CIITA: variants seen among roughly 807,000 people sequenced by gnomAD.
The protein encoded by CIITA is MHC class II transactivator.
A neutral mutation model predicts 115.1 loss-of-function variants in CIITA; 72 were observed. The ratio of observed to expected loss-of-function variants is 0.63; its 90% CI spans 0.52 to 0.76. CIITA has a LOEUF of 0.76. Ranked by LOEUF, CIITA falls within the 30% of genes least tolerant of loss-of-function variation. CIITA has a pLI of 0.00. For synonymous variants in CIITA, 763 were observed against 635.6 expected, an observed-to-expected ratio of 1.20 and a Z score of -3.02; for missense variants, 1,617 against 1,463.8, an observed-to-expected ratio of 1.10 and a Z score of -1.71.
chr16:10,892,485 C>T (rs2037697995), intron 1 of CIITA, among the ~76,000 whole-genome samples: 1 of 152,202 alleles, frequency 6.6e-6, no homozygotes, highest in Non-Finnish European at 1.5e-5. Flanking sequence ...TCTCCTCTTA[C>T]CTCCTCCAGG....
chr16:10,898,184 T>C (rs2038332418), intron 3 of CIITA, among the ~76,000 whole-genome samples: 1 of 152,174 alleles, frequency 6.6e-6, no homozygotes, highest in African/African-American at 2.4e-5. Flanking sequence ...CCCCTTTATA[T>C]AGTTACCACT....
chr16:10,898,733 G>T lies in CIITA; in HGVS notation c.358+1G>T. 1 of 1,611,720 alleles carries T rather than the reference G, an allele frequency of 6.2e-7. No homozygotes were observed. The highest frequency in any genetic ancestry group is 1.7e-4 in the Middle Eastern group (1 of 6,060). ...GAGGGCCTGAGCAAGGACATTTTCA[G>T]TAAGTTTGTGGTGGGTGGGGAGGTC... On this transcript the variant is annotated splice_donor_variant, in intron 4 of 19. Coordinates refer to ENST00000324288, the MANE Select transcript of CIITA (RefSeq NM_000246.4). LOFTEE classifies it high-confidence loss of function.
In CIITA at chr16:10,922,393, G is replaced by T; in HGVS notation, c.3234-14G>T. On this transcript the variant is annotated splice_polypyrimidine_tract_variant and intron_variant, in intron 17 of 19. Coordinates refer to ENST00000324288, the MANE Select transcript of CIITA (RefSeq NM_000246.4). The stretch of plus-strand genomic sequence containing the variant: ...TCCCAAGGGCCAGGCCCCAAGGTGA[G>T]TTTCTCTTGCCAGCGTCCAGTACAA... 1 of 1,614,204 alleles carries T rather than the reference G, an allele frequency of 6.2e-7. No homozygotes were observed. The highest frequency in any genetic ancestry group is 1.1e-5 in the South Asian group (1 of 91,084).
chr16:10,897,376 G>T (rs945325083), intron 3 of CIITA, among the ~76,000 whole-genome samples: 1 of 152,122 alleles, frequency 6.6e-6, no homozygotes, highest in African/African-American at 2.4e-5. Context: ...TTATTAACCT[G>T]TTTATCCACT....
intron 1 of CIITA, among the ~76,000 whole-genome samples, chr16:10,867,817 A>G (rs374050528): frequency 2.5e-4 from 38 of 152,222 alleles, no homozygotes; most frequent in African/African-American, 7.9e-4. Context: ...GTGTAGTCGC[A>G]TGATCACAGC....
chr16:10,881,482 C>A (rs549861380), intron 1 of CIITA, among the ~76,000 whole-genome samples: 1 of 152,180 alleles, frequency 6.6e-6, no homozygotes, highest in South Asian at 2.1e-4. Context: ...AGGACAAAGT[C>A]TCTGATTTTC....
At position 10,924,354 on chromosome 16, in the gene CIITA, C is replaced by G. The variant is rs1286979304; in HGVS notation, c.*499C>G. On this transcript the variant is annotated 3_prime_UTR_variant, in exon 20 of 20. Transcript: ENST00000324288. ...GTTCAAGCGATTCTTCTGCTTCAGC[C>G]TCCCGAGTAGCTGGGACTACAGGCA... 1 of 152,470 alleles carries G rather than the reference C, an allele frequency of 6.6e-6. No homozygotes were observed. The highest frequency in any genetic ancestry group is 1.5e-5 in the Non-Finnish European group (1 of 68,256). 9.4% of individuals were successfully genotyped at this position (152,470 alleles called of 1,614,324 possible).
In CIITA at chr16:10,877,343, G is replaced by A. The variant is rs752879788; in HGVS notation, c.13G>A (p.Ala5Thr). Reference protein sequence around the residue: MRCLAPRPAGSYLSE... With the variant: MRCLTPRPAGSYLSE... ...GGATTCCTACACAATGCGTTGCCTG[G>A]CTCCACGCCCTGCTGGGTCCTACCT... is the stretch of plus-strand genomic sequence containing the variant. The change falls in exon 1 of 20, where the codon GCT (alanine) becomes ACT (threonine). Residue 5 changes from alanine (A) to threonine (T), a missense_variant. Coordinates refer to ENST00000324288, the MANE Select transcript of CIITA (RefSeq NM_000246.4). 1.9e-6 allele frequency: 3 copies of A among 1,613,158 alleles called. No individual in the cohort carries two copies. Among genetic ancestry groups the A allele is most frequent in the Admixed American group, 3.3e-5 (2 of 59,906 alleles).
At chr16:10,886,618 C>T (rs1275063268) in intron 1 of CIITA, among the ~76,000 whole-genome samples, 2 of 152,244 alleles carry the variant, frequency 1.3e-5, no homozygotes, top group African/African-American at 4.8e-5. Flanking sequence ...CAACACTTGG[C>T]ATTTCCCAGA....
In CIITA at chr16:10,895,657, T is replaced by C. The variant is rs753690964; in HGVS notation, c.200-12T>C. On this transcript the variant is annotated splice_polypyrimidine_tract_variant and intron_variant, in intron 2 of 19. Transcript: ENST00000324288. ...AAATTTCCTTCTTCATCCAAGGGAC[T>C]TTTCCTCCCAGAACCCGACACAGAC... is the stretch of plus-strand genomic sequence containing the variant. 1 of 1,614,026 alleles carries C rather than the reference T, an allele frequency of 6.2e-7. No individual in the cohort carries two copies. The highest frequency in any genetic ancestry group is 1.1e-5 in the South Asian group (1 of 91,068).
chr16:10,940,712 A>G (rs1283430917), downstream of CIITA: 3 of 152,220 alleles, frequency 2.0e-5, no homozygotes, highest in African/African-American at 4.8e-5. This position sits in a 1 kb window ranked among gnomAD's most constrained non-coding sequence, Gnocchi z 4.2. Context: ...TCCTTCCTGG[A>G]CCTTCATTTC....
chr16:10,928,428 A>C lies in CIITA; in HGVS notation c.*4573A>C, dbSNP rs539209722. ...CTCAGCCTCCCGAGTAGCTGGGACT[A>C]TAAGTGTGCGCCACTATGCCTGGCT... is the stretch of plus-strand genomic sequence containing the variant. On this transcript the variant is annotated 3_prime_UTR_variant, in exon 20 of 20. Transcript: ENST00000324288. The C allele has an allele frequency of 6.6e-6, 1 of 152,302 alleles. No individual in the cohort carries two copies. Among genetic ancestry groups the C allele is most frequent in the Non-Finnish European group, 1.5e-5 (1 of 68,126 alleles). 9.4% of individuals were successfully genotyped at this position (152,302 alleles called of 1,614,324 possible).
intron 15 of CIITA, among the ~76,000 whole-genome samples, chr16:10,917,703 C>T (rs1018476124): frequency 1.3e-5 from 2 of 152,120 alleles, no homozygotes; most frequent in African/African-American, 4.8e-5. Context: ...TGGTCTTGAA[C>T]TCCTGACCTC....
Position 10,924,854 on chromosome 16 carries a change from T to C in CIITA, c.*999T>C, listed in dbSNP as rs2040466655. 6.6e-6 allele frequency: 1 copy of C among 152,242 alleles called. No homozygotes were observed. Among genetic ancestry groups the C allele is most frequent in the Admixed American group, 6.5e-5 (1 of 15,288 alleles). 9.4% of individuals were successfully genotyped at this position (152,242 alleles called of 1,614,324 possible). On this transcript the variant is annotated 3_prime_UTR_variant, in exon 20 of 20. Transcript: ENST00000324288. ...TTTTCACTACATTATAAATGTCTCT[T>C]TAATGTCACAGGCAGGTCCAGGGTT...
Position 10,901,982 on chromosome 16 carries a change from A to G in CIITA, c.482-56A>G. ...TCCATGCCACTCCAGGGCCCTCCCC[A>G]TCCCAGGAAGGCCCCTCCAAGCACC... On this transcript the variant is annotated intron_variant, in intron 6 of 19. Transcript: ENST00000324288. This position sits in a 1 kb window ranked among gnomAD's most constrained non-coding sequence, Gnocchi z 6.8. The G allele has an allele frequency of 1.2e-6, 2 of 1,607,074 alleles. No homozygotes were observed. Among genetic ancestry groups the G allele is most frequent in the Non-Finnish European group, 1.7e-6 (2 of 1,176,064 alleles).
intron 5 of CIITA, among the ~76,000 whole-genome samples, chr16:10,899,740 A>G (rs1361084120): frequency 3.9e-5 from 6 of 152,168 alleles, no homozygotes; most frequent in Non-Finnish European, 5.9e-5. Context: ...TCAGTTCTTA[A>G]ACAGGTGAAT....
rs577256085 is a variant in CIITA, at chr16:10,923,733, T to C, written c.*23-145T>C. On this transcript the variant is annotated intron_variant, in intron 19 of 19. Coordinates refer to ENST00000324288, the MANE Select transcript of CIITA (RefSeq NM_000246.4). The surrounding 1 kb of genome is among the most constrained non-coding windows in gnomAD (Gnocchi z 5.2). The stretch of plus-strand genomic sequence containing the variant: ...TATGAAGATCACTGTCCCCCAGCCC[T>C]GTGCTCCCCGCACTGTGCTGCACGT... 2.6e-4 allele frequency: 71 copies of C among 272,988 alleles called. No homozygotes were observed. Among genetic ancestry groups the C allele is most frequent in the African/African-American group, 1.5e-3 (70 of 45,246 alleles). The allele number at this position is 272,988 out of a possible 1,614,324, so 16.9% of individuals were successfully genotyped here. A position where few individuals can be genotyped will look rare whatever the true frequency, so the allele number is the denominator to read the frequency against.
rs1288759288 is a variant in CIITA, at chr16:10,906,695, G to A, written c.1203G>A (p.Leu401=). The change falls in exon 11 of 20, where the codon CTG becomes CTA. Residue 401 remains leucine (L), a synonymous_variant. Coordinates refer to ENST00000324288, the MANE Select transcript of CIITA (RefSeq NM_000246.4). ...CCCAAGGAGGCCTGGCTGAGGTGCT[G>A]TTGGCTGCCAAGGAGCACCGGCGGC... ...QLAQGGLAEV[L]LAAKEHRRPR... 3.1e-6 allele frequency: 5 copies of A among 1,612,890 alleles called. No homozygotes were observed. The highest frequency in any genetic ancestry group is 1.1e-5 in the South Asian group (1 of 91,072).
rs748867171 is a variant in CIITA, at chr16:10,906,641, C to T, written c.1149C>T (p.Ala383=). 1.6e-5 allele frequency: 26 copies of T among 1,613,778 alleles called. No individual in the cohort carries two copies. In the Admixed American group the frequency reaches 2.7e-4, roughly 17 times the overall value. ...GCAAGAGCCTGGAGCGGGAACTGGC[C>T]ACCCCGGACTGGGCAGAACGGCAGC... is the stretch of plus-strand genomic sequence containing the variant. ...SSSKSLEREL[A]TPDWAERQLA... Residue 383 remains alanine (A), a synonymous_variant, in exon 11 of 20, where the codon GCC becomes GCT. Coordinates refer to ENST00000324288, the MANE Select transcript of CIITA (RefSeq NM_000246.4).
Sources: gnomAD v4.1 joint callset for allele counts (sites outside exome capture counted in the v4.1 genomes callset) on GRCh38, gnomAD v4.1.1 for gene constraint, Gnocchi (gnomAD v3.1) non-coding constraint, MANE v1.5 for transcripts, NCBI Gene and HGNC (gene_info 2026-07-23, HGNC 2026-07-21) for gene names.